The following CPNE5 variants were observed in gnomAD, a reference collection of about 807,000 sequenced individuals.
CPNE5 encodes the protein copine-5.
A neutral mutation model predicts 81.1 loss-of-function variants in CPNE5; 42 were observed. The ratio of observed to expected loss-of-function variants is 0.52; its 90% CI spans 0.40 to 0.67. The LOEUF (loss-of-function observed/expected upper bound fraction) is 0.67. CPNE5 is among the 30% of genes least tolerant of loss of function. CPNE5 has a pLI of 0.00. For synonymous variants in CPNE5, 313 were observed against 321.5 expected (o/e 0.97, Z 0.28); for missense variants, 612 against 815.5 (o/e 0.75, Z 3.04).
chr6:36,768,169 AGGGGGAAGACCAT>A (rs1304072566), intron 10 of CPNE5, among the ~76,000 whole-genome samples: 2 of 148,336 alleles, frequency 1.3e-5, no homozygotes, highest in Admixed American at 6.8e-5. Context: ...GCCCAGAGAC[AGGGGGAAGACCAT>A]GGGGAGAAGA....
chr6:36,775,125 G>C, intron 9 of CPNE5, 60 bp from the exon 10 acceptor site: 1 of 1,237,176 alleles, frequency 8.1e-7, no homozygotes, highest in Non-Finnish European at 1.2e-6. Context: ...GGCGAATGCA[G>C]GTCAACAGAG....
chr6:36,827,719 A>G, intron 1 of CPNE5: 1 of 985,428 alleles, frequency 1.0e-6, no homozygotes. Context: ...CCACAAGCAC[A>G]CAGCCAAAAG....
chr6:36,815,244 G>C (rs533449200), intron 3 of CPNE5, among the ~76,000 whole-genome samples: 3 of 152,230 alleles, frequency 2.0e-5, no homozygotes, highest in South Asian at 4.1e-4. Context: ...ACTGTGATTG[G>C]TGTCATCTCC....
chr6:36,835,431 T>A (rs1326480557), intron 1 of CPNE5, among the ~76,000 whole-genome samples: 2 of 152,106 alleles, frequency 1.3e-5, no homozygotes, highest in East Asian at 3.9e-4. Context: ...AAAGTCACAT[T>A]TTTTATGATG....
At chr6:36,838,018 GC>G (rs1290438634) in intron 1 of CPNE5, among the ~76,000 whole-genome samples, 2 of 152,098 alleles carry the variant, frequency 1.3e-5, no homozygotes, top group African/African-American at 4.8e-5. Flanking sequence ...TATCACAGGA[GC>G]CCCCAGAGGG....
In CPNE5 at chr6:36,740,813, A is replaced by T. The variant is rs1330062612; in HGVS notation, c.*1455T>A. On this transcript the variant is annotated 3_prime_UTR_variant, in exon 21 of 21. Coordinates refer to ENST00000244751, the MANE Select transcript of CPNE5 (RefSeq NM_020939.2). ...CCAAATTTACTTCAGTTTAAGGCAA[A>T]TTCCACACAGAGACTGTCTCAGAGA... 6.6e-6 allele frequency: 1 copy of T among 152,590 alleles called. No homozygotes were observed. The highest frequency in any genetic ancestry group is 1.5e-5 in the Non-Finnish European group (1 of 68,032). The allele number at this position is 152,590 out of a possible 1,614,324, so 9.5% of individuals were successfully genotyped here. A position where few individuals can be genotyped will look rare whatever the true frequency, so the allele number is the denominator to read the frequency against.
intron 13 of CPNE5, 164 bp downstream of exon 13, chr6:36,756,081 G>C (rs1765420595): frequency 1.6e-6 from 1 of 613,400 alleles, no homozygotes; most frequent in East Asian, 2.9e-5. Flanking sequence ...TCCCCTGGCT[G>C]TTGCTCCATC....
At chr6:36,804,310 C>A (rs1770391712) in intron 3 of CPNE5, among the ~76,000 whole-genome samples, 2 of 152,188 alleles carry the variant, frequency 1.3e-5, no homozygotes, top group Admixed American at 6.5e-5. Flanking sequence ...GAAAGGACAT[C>A]AGATTGAATA....
chr6:36,810,546 G>A lies in CPNE5; in HGVS notation c.184-10476C>T, dbSNP rs1047189035. ...CTGGGAATAGGAGCCAGGTGGGGGC[G>A]CCCAGTGGCTGGGAAGAGTGGCCTG... On this transcript the variant is annotated intron_variant, in intron 3 of 20. Coordinates refer to ENST00000244751, the MANE Select transcript of CPNE5 (RefSeq NM_020939.2). Among the ~76,000 whole-genome samples the A allele has an allele frequency of 2.6e-5, 4 of 152,216 alleles. 1 individual carries two copies. In the South Asian group the frequency reaches 6.2e-4, roughly 24 times the overall value.
At chr6:36,833,323 C>A (rs1773124416) in intron 1 of CPNE5, among the ~76,000 whole-genome samples, 2 of 152,172 alleles carry the variant, frequency 1.3e-5, no homozygotes, top group South Asian at 4.2e-4. Context: ...TTGTGATTGG[C>A]AGAAATATAA....
At chr6:36,835,035 C>A (rs1773354997) in intron 1 of CPNE5, among the ~76,000 whole-genome samples, 1 of 152,176 alleles carries the variant, frequency 6.6e-6, no homozygotes, top group South Asian at 2.1e-4. Context: ...TGGGGCAGAA[C>A]AACAGCTGCC....
intron 1 of CPNE5, among the ~76,000 whole-genome samples, chr6:36,834,254 C>CAAAAAAAAAAAAAAA (rs1157250827): frequency 3.2e-4 from 7 of 21,680 alleles, no homozygotes; most frequent in African/African-American, 1.4e-3. Context: ...GACTGTATCT[C>CAAAAAAAAAAAAAAA]AAAAAAAAAA....
chr6:36,837,515 G>A (rs768215509), intron 1 of CPNE5, among the ~76,000 whole-genome samples: 8 of 152,160 alleles, frequency 5.3e-5, no homozygotes, highest in Admixed American at 2.0e-4. Flanking sequence ...TTTGAGAGGG[G>A]AGGGATGACG....
At chr6:36,767,589 C>T (rs985768111) in intron 10 of CPNE5, among the ~76,000 whole-genome samples, 1 of 152,218 alleles carries the variant, frequency 6.6e-6, no homozygotes, top group Non-Finnish European at 1.5e-5. Flanking sequence ...TTCAGAGACC[C>T]CAGCAAAGAA....
chr6:36,753,165 C>T, intron 13 of CPNE5, 70 bp from the exon 14 acceptor site: 1 of 1,272,458 alleles, frequency 7.9e-7, no homozygotes, highest in Non-Finnish European at 1.1e-6. Context: ...GATTCGAGAG[C>T]TGACATTGAC....
At chr6:36,804,343 C>A (rs184956175) in intron 3 of CPNE5, among the ~76,000 whole-genome samples, 31 of 152,272 alleles carry the variant, frequency 2.0e-4, no homozygotes, top group Non-Finnish European at 3.5e-4. Context: ...TTTCCCACTC[C>A]CTAAATTCAA....
intron 2 of CPNE5, 92 bp downstream of exon 2, chr6:36,822,966 T>G (rs1032053001): frequency 9.3e-7 from 1 of 1,071,892 alleles, no homozygotes; most frequent in African/African-American, 1.6e-5. Context: ...TGGCACATGG[T>G]TAGTGCTCAG....
chr6:36,742,739 C>T, intron 20 of CPNE5: 1 of 985,444 alleles, frequency 1.0e-6, no homozygotes, highest in South Asian at 4.7e-5. Flanking sequence ...CCAGGACACA[C>T]CACTGAACAC....
intron 1 of CPNE5, among the ~76,000 whole-genome samples, chr6:36,829,353 C>T (rs951751636): frequency 5.3e-5 from 8 of 151,714 alleles, no homozygotes; most frequent in Admixed American, 1.3e-4. Context: ...CAAAATTAGC[C>T]GGGTGTGGTG....
Sources: allele counts gnomAD v4.1 joint callset (sites outside exome capture counted in the v4.1 genomes callset), GRCh38; gene constraint gnomAD v4.1.1; transcripts MANE v1.5; gene names NCBI Gene and HGNC (gene_info 2026-07-23, HGNC 2026-07-21).